Variants in ZC3H12B observed in about 807,000 individuals in gnomAD.
ZC3H12B encodes probable ribonuclease ZC3H12B.
ZC3H12B carries 7 observed loss-of-function variants against 43.9 expected under a neutral mutation model. The ratio of observed to expected loss-of-function variants is 0.16; its 90% CI spans 0.09 to 0.30. The LOEUF (loss-of-function observed/expected upper bound fraction) is 0.30. Ranked by LOEUF, ZC3H12B falls within the 10% of genes least tolerant of loss-of-function variation. The pLI, the probability that ZC3H12B is intolerant of heterozygous loss-of-function variation, is 1.00. For missense variants in ZC3H12B, 475 were observed against 670.2 expected (o/e 0.71, Z 3.22); for synonymous variants, 222 against 241.7 (o/e 0.92, Z 0.76).
the ZC3H12B span, among the ~76,000 whole-genome samples, chrX:65,144,612 A>G: frequency 2.7e-5 from 3 of 111,585 alleles, no homozygotes; most frequent in African/African-American, 3.3e-5. Context: ...GTTCTGGGCT[A>G]TGAACTTTTC....
chrX:65,483,336 C>T (rs2068086133), intron 3 of ZC3H12B, among the ~76,000 whole-genome samples: 1 of 111,728 alleles, frequency 9.0e-6, no homozygotes, highest in African/African-American at 3.2e-5. Flanking sequence ...TCTTTACCTC[C>T]TTTATGATAT....
At chrX:65,416,381 C>A (rs2066960206) in intron 3 of ZC3H12B, among the ~76,000 whole-genome samples, 1 of 111,483 alleles carries the variant, frequency 9.0e-6, no homozygotes, top group Non-Finnish European at 1.9e-5. Flanking sequence ...TTACTATAGA[C>A]ATGGAAACCC....
chrX:65,346,259 TAAA>T, the ZC3H12B span, among the ~76,000 whole-genome samples: 11 of 86,303 alleles, frequency 1.3e-4, no homozygotes, highest in Admixed American at 2.5e-4. Flanking sequence ...ATGGTACTAG[TAAA>T]AAAAAAAAAA....
At chrX:65,348,165 G>A in the ZC3H12B span, among the ~76,000 whole-genome samples, 1 of 111,780 alleles carries the variant, frequency 8.9e-6, no homozygotes, top group Admixed American at 9.5e-5. Flanking sequence ...CACCAACATG[G>A]CACATGTATA....
chrX:65,130,739 G>T, the ZC3H12B span, among the ~76,000 whole-genome samples: 1 of 112,022 alleles, frequency 8.9e-6, no homozygotes, highest in Non-Finnish European at 1.9e-5. Context: ...CTTGGTCCAA[G>T]AACCATTTGC....
At chrX:65,128,356 G>T in the ZC3H12B span, among the ~76,000 whole-genome samples, 2 of 112,176 alleles carry the variant, frequency 1.8e-5, no homozygotes, top group Non-Finnish European at 3.8e-5. Context: ...ACGTCAAAGT[G>T]TTTGTAGATT....
At chrX:65,457,215 C>T (rs1352510482) in intron 3 of ZC3H12B, among the ~76,000 whole-genome samples, 2 of 55,134 alleles carry the variant, frequency 3.6e-5, no homozygotes, top group Admixed American at 2.4e-4. Context: ...GCAACCGCCC[C>T]GTCTGAGAAG....
the ZC3H12B span, among the ~76,000 whole-genome samples, chrX:65,067,564 G>T: frequency 9.0e-6 from 1 of 111,343 alleles, no homozygotes; most frequent in African/African-American, 3.3e-5. Context: ...GCTGGGAGCT[G>T]CAGACTGCAG....
chrX:65,430,279 C>G (rs980251664), intron 3 of ZC3H12B, among the ~76,000 whole-genome samples: 3 of 110,282 alleles, frequency 2.7e-5, no homozygotes, highest in African/African-American at 9.9e-5. Context: ...TCCTGATCCA[C>G]AGGTTGCAAA....
At chrX:65,168,276 T>A in the ZC3H12B span, among the ~76,000 whole-genome samples, 2 of 112,206 alleles carry the variant, frequency 1.8e-5, no homozygotes, top group East Asian at 5.6e-4. Flanking sequence ...TGGCCTTTTC[T>A]ACAGCTATTG....
chrX:65,421,011 A>C (rs1422045536), intron 3 of ZC3H12B, among the ~76,000 whole-genome samples: 1 of 112,250 alleles, frequency 8.9e-6, no homozygotes, highest in Non-Finnish European at 1.9e-5. Context: ...GTCCTATCTT[A>C]GGGGTATATC....
At chrX:65,417,581 G>A (rs2066975629) in intron 3 of ZC3H12B, among the ~76,000 whole-genome samples, 2 of 112,312 alleles carry the variant, frequency 1.8e-5, no homozygotes, top group South Asian at 7.4e-4. Flanking sequence ...GAATGGGTAG[G>A]AAAGCTTCTG....
chrX:65,357,655 C>T, the ZC3H12B span: 1 of 112,387 alleles, frequency 8.9e-6, no homozygotes, highest in African/African-American at 3.2e-5. Context: ...GAGATTTTGT[C>T]ACCACCAGGC....
chrX:65,194,977 G>T, the ZC3H12B span, among the ~76,000 whole-genome samples: 10 of 110,813 alleles, frequency 9.0e-5, no homozygotes, highest in Non-Finnish European at 1.7e-4. Flanking sequence ...TTCAATAATT[G>T]TAGCTACTCT....
intron 2 of ZC3H12B, among the ~76,000 whole-genome samples, chrX:65,396,196 A>T (rs1320858926): frequency 9.0e-6 from 1 of 111,025 alleles, no homozygotes; most frequent in African/African-American, 3.3e-5. Flanking sequence ...TTCCACTCTG[A>T]TCTTAGTTAT....
At chrX:65,319,638 C>A in the ZC3H12B span, among the ~76,000 whole-genome samples, 2 of 111,019 alleles carry the variant, frequency 1.8e-5, no homozygotes. Context: ...AACATCAGGC[C>A]AATATCCTAG....
At chrX:65,305,831 C>G in the ZC3H12B span, among the ~76,000 whole-genome samples, 1 of 111,532 alleles carries the variant, frequency 9.0e-6, no homozygotes, top group Non-Finnish European at 1.9e-5. Flanking sequence ...GGCAAGAACA[C>G]TATAACTACA....
At chrX:65,296,349 G>A in the ZC3H12B span, among the ~76,000 whole-genome samples, 19 of 110,827 alleles carry the variant, frequency 1.7e-4, no homozygotes, top group East Asian at 1.1e-3. Context: ...TTGGGGACTC[G>A]GGGAAAGGGC....
At chrX:65,227,645 T>A in the ZC3H12B span, among the ~76,000 whole-genome samples, 5 of 109,920 alleles carry the variant, frequency 4.5e-5, no homozygotes, top group Admixed American at 1.9e-4. Context: ...GCAAGACTAA[T>A]AAAGAAGAAA....
Sources: gnomAD v4.1 joint callset for allele counts (sites outside exome capture counted in the v4.1 genomes callset) on GRCh38, gnomAD v4.1.1 for gene constraint, MANE v1.5 for transcripts, NCBI Gene and HGNC (gene_info 2026-07-23, HGNC 2026-07-21) for gene names.